Variants in GABRB3 observed in about 807,000 individuals in gnomAD.
GABRB3 encodes gamma-aminobutyric acid receptor subunit beta-3.
In GABRB3, 14 loss-of-function variants were observed where a neutral mutation model predicts 52.1. The ratio of observed to expected loss-of-function variants is 0.27; its 90% CI spans 0.18 to 0.42. The LOEUF is 0.42. Among genes scored for constraint, GABRB3 ranks in the 10% least tolerant of loss-of-function variants. The pLI, the probability that GABRB3 is intolerant of heterozygous loss-of-function variation, is 1.00. For missense variants in GABRB3, 307 were observed against 609.1 expected, an observed-to-expected ratio of 0.50 and a Z score of 5.22; for synonymous variants, 260 against 232.3, an observed-to-expected ratio of 1.12 and a Z score of -1.08.
At chr15:26,611,650 T>C (rs1892075135) in intron 4 of GABRB3, among the ~76,000 whole-genome samples, 1 of 152,218 alleles carries the variant, frequency 6.6e-6, no homozygotes, top group Non-Finnish European at 1.5e-5. Flanking sequence ...CAAGCATGTC[T>C]GTGTAAGGCA....
At chr15:26,764,912 C>T (rs1396865514) in intron 3 of GABRB3, among the ~76,000 whole-genome samples, 1 of 152,040 alleles carries the variant, frequency 6.6e-6, no homozygotes, top group Non-Finnish European at 1.5e-5. Context: ...AGGTGGATCA[C>T]GAGGTCAGAA....
intron 4 of GABRB3, among the ~76,000 whole-genome samples, chr15:26,618,757 C>T: frequency 6.6e-6 from 1 of 151,956 alleles, no homozygotes; most frequent in East Asian, 1.9e-4. Context: ...AAAATTTTTG[C>T]AACCTACTCA....
intron 3 of GABRB3, among the ~76,000 whole-genome samples, chr15:26,666,864 C>A (rs117135837): frequency 0.013 from 1,984 of 152,266 alleles, 17 homozygotes; most frequent in Non-Finnish European, 0.02. Flanking sequence ...GCCCAGGAAG[C>A]GTTGAGCAAG....
chr15:26,730,440 G>A (rs1053747949), intron 3 of GABRB3, among the ~76,000 whole-genome samples: 6 of 109,188 alleles, frequency 5.5e-5, no homozygotes, highest in Non-Finnish European at 5.7e-5. Flanking sequence ...AAAAAAAAAA[G>A]ACTTACAGGA....
At chr15:26,677,997 C>T (rs1431033206) in intron 3 of GABRB3, among the ~76,000 whole-genome samples, 2 of 152,258 alleles carry the variant, frequency 1.3e-5, no homozygotes, top group South Asian at 2.1e-4. Flanking sequence ...TCTAAAACTA[C>T]GCTGTGTGGG....
intron 3 of GABRB3, among the ~76,000 whole-genome samples, chr15:26,695,118 T>C (rs1268667565): frequency 1.3e-5 from 2 of 151,988 alleles, no homozygotes; most frequent in African/African-American, 4.8e-5. Context: ...AGACAGGAAC[T>C]TAAGAAATAG....
chr15:26,694,212 T>C (rs542713998), intron 3 of GABRB3, among the ~76,000 whole-genome samples: 4 of 152,272 alleles, frequency 2.6e-5, no homozygotes, highest in African/African-American at 4.8e-5. Context: ...CTAACCAATA[T>C]GGGGGAAGGA....
intron 7 of GABRB3, among the ~76,000 whole-genome samples, chr15:26,561,686 C>T (rs755108655): frequency 4.6e-5 from 7 of 152,178 alleles, no homozygotes; most frequent in Admixed American, 2.0e-4. Flanking sequence ...ATAATTCCTA[C>T]TACAATGCTT....
chr15:26,716,776 A>C (rs1343334977), intron 3 of GABRB3: 1 of 1,154,538 alleles, frequency 8.7e-7, no homozygotes, highest in Non-Finnish European at 1.1e-6. Flanking sequence ...GAGGACCTCC[A>C]CCAAATGACA....
intron 3 of GABRB3, chr15:26,625,610 C>T: frequency 4.4e-6 from 1 of 229,416 alleles, no homozygotes; most frequent in Non-Finnish European, 7.0e-6. Context: ...CACTGGATTC[C>T]TCACAGAACA....
At chr15:26,553,769 A>G (rs1889571175) in intron 8 of GABRB3, among the ~76,000 whole-genome samples, 3 of 152,004 alleles carry the variant, frequency 2.0e-5, no homozygotes, top group South Asian at 2.1e-4. Flanking sequence ...AGGAGCACAA[A>G]GTGAACACAA....
At chr15:26,602,194 C>T (rs1477599787) in intron 4 of GABRB3, among the ~76,000 whole-genome samples, 1 of 152,042 alleles carries the variant, frequency 6.6e-6, no homozygotes, top group Non-Finnish European at 1.5e-5. Context: ...AAGGGGTCAA[C>T]TTATCAAGAG....
rs1386361296 is a variant in GABRB3, at chr15:26,656,975, G to A, written c.241-35441C>T. Reference sequence around the variant, plus strand: ...CTAGTAGCTCCATCTGTCTCAGAGTGAAAAGTAGCACCCTTCCTTTCTGTA... The same window carrying A: ...CTAGTAGCTCCATCTGTCTCAGAGTAAAAAGTAGCACCCTTCCTTTCTGTA... On this transcript the variant is annotated intron_variant, in intron 3 of 8. Transcript: ENST00000311550. 4 of 152,248 alleles carry A rather than the reference G, an allele frequency of 2.6e-5. No homozygotes were observed. In the East Asian group the frequency reaches 7.7e-4, roughly 29 times the overall value. The allele number at this position is 152,248 out of a possible 1,614,324, so 9.4% of individuals were successfully genotyped here. A position where few individuals can be genotyped will look rare whatever the true frequency, so the allele number is the denominator to read the frequency against.
intron 4 of GABRB3, among the ~76,000 whole-genome samples, chr15:26,606,476 A>G (rs1035075388): frequency 6.6e-6 from 1 of 152,162 alleles, no homozygotes; most frequent in Non-Finnish European, 1.5e-5. Context: ...AATATTCTCA[A>G]CATATTAGGA....
chr15:26,732,036 C>T (rs1036262035), intron 3 of GABRB3, among the ~76,000 whole-genome samples: 8 of 149,642 alleles, frequency 5.3e-5, no homozygotes, highest in Admixed American at 4.6e-4. Context: ...GATGGATGGG[C>T]GGATGGATGG....
intron 3 of GABRB3, among the ~76,000 whole-genome samples, chr15:26,765,870 G>C (rs928316502): frequency 6.6e-6 from 1 of 152,172 alleles, no homozygotes; most frequent in Non-Finnish European, 1.5e-5. Flanking sequence ...GCCCTTAATG[G>C]AGCATCTTTT....
chr15:26,606,582 G>C (rs1470478777), intron 4 of GABRB3, among the ~76,000 whole-genome samples: 1 of 151,992 alleles, frequency 6.6e-6, no homozygotes, highest in Non-Finnish European at 1.5e-5. Context: ...TTTTCTCTAA[G>C]ATATTGAGCA....
intron 3 of GABRB3, among the ~76,000 whole-genome samples, chr15:26,741,878 T>C (rs1890217641): frequency 6.6e-6 from 1 of 152,214 alleles, no homozygotes; most frequent in Non-Finnish European, 1.5e-5. Context: ...CCTCACTCTT[T>C]GGAGAGTTTT....
rs192239015 is a variant in GABRB3 at position 26,662,135 on chromosome 15, G to C, written c.241-40601C>G. Among the ~76,000 whole-genome samples the C allele has an allele frequency of 2.2e-3, 342 of 152,224 alleles. 1 individual carries two copies. The highest frequency in any genetic ancestry group is 7.7e-3 in the African/African-American group (321 of 41,524). On this transcript the variant is annotated intron_variant, in intron 3 of 8. Coordinates refer to ENST00000311550, the MANE Select transcript of GABRB3 (RefSeq NM_000814.6). Reference sequence around the variant, plus strand: ...TTGGAACCTGTGCAGTGCATACAAAGGAAGTATGTTTACCAGAAATATATC... The same window carrying C: ...TTGGAACCTGTGCAGTGCATACAAACGAAGTATGTTTACCAGAAATATATC...
Sources: allele counts gnomAD v4.1 joint callset (sites outside exome capture counted in the v4.1 genomes callset), GRCh38; gene constraint gnomAD v4.1.1; transcripts MANE v1.5; gene names NCBI Gene and HGNC (gene_info 2026-07-23, HGNC 2026-07-21).